The following TRMT1 variants were observed in gnomAD, a reference collection of about 807,000 sequenced individuals.
TRMT1 encodes the protein tRNA (guanine(26)-N(2))-dimethyltransferase.
In TRMT1, 63 loss-of-function variants were observed where a neutral mutation model predicts 75.4. The observed-to-expected ratio is 0.84, with a 90% CI of 0.68 to 1.03. TRMT1 has a LOEUF of 1.03. Among genes scored for constraint, TRMT1 ranks in the 50% least tolerant of loss-of-function variants. The pLI is 0.00. For missense variants in TRMT1, 870 were observed against 905.3 expected, an observed-to-expected ratio of 0.96 and a Z score of 0.50; for synonymous variants, 382 against 358.1, an observed-to-expected ratio of 1.07 and a Z score of -0.75.
Position 13,105,295 on chromosome 19 carries a change from T to C in TRMT1, c.1805A>G (p.Lys602Arg). ...CTTAAACCTCTTGCAAGGAAATGTC[T>C]TGAGCCGGGCAGCCCGCTGGGCCAC... ...EDVAQRAARL[K>R]TFPCKRFKEG... Residue 602 changes from lysine to arginine, a missense_variant, in exon 16 of 17, where the codon AAG becomes AGG. Transcript: ENST00000357720. 6.2e-7 allele frequency: 1 copy of C among 1,613,986 alleles called. No individual in the cohort carries two copies. Among genetic ancestry groups the C allele is most frequent in the Non-Finnish European group, 8.5e-7 (1 of 1,179,986 alleles).
chr19:13,112,156 A>G (rs997531498), intron 7 of TRMT1, among the ~76,000 whole-genome samples: 4 of 151,672 alleles, frequency 2.6e-5, no homozygotes, highest in African/African-American at 9.7e-5. Context: ...TGCCTGGCTA[A>G]TTTTTGTATT....
intron 14 of TRMT1, among the ~76,000 whole-genome samples, chr19:13,106,789 G>T (rs2018890399): frequency 6.7e-6 from 1 of 149,876 alleles, no homozygotes; most frequent in African/African-American, 2.5e-5. Flanking sequence ...GCCCAGCCCA[G>T]TCAGCAGATT....
At chr19:13,109,332 G>C (rs1387503761) in intron 12 of TRMT1, 49 bp downstream of exon 12, 23 of 1,601,410 alleles carry the variant, frequency 1.4e-5, no homozygotes, top group Non-Finnish European at 2.0e-5. Context: ...CTTGCCCCAG[G>C]CCACCCTGTG....
rs1014569241 is a variant in TRMT1, at chr19:13,112,742, C to T, written c.833G>A (p.Gly278Glu). 1.2e-6 allele frequency: 2 copies of T among 1,613,566 alleles called. No individual in the cohort carries two copies. Among genetic ancestry groups the T allele is most frequent in the Non-Finnish European group, 1.7e-6 (2 of 1,180,006 alleles). The part of the protein sequence containing the change: ...NSGETCYSKY[G>E]AMALKSRACH... ...GGCCCGGCTCTTGAGGGCCATGGCC[C>T]CGTACTTGCTGTAGCACGTCTCCCC... Residue 278 changes from glycine (G) to glutamate (E), a missense_variant, in exon 7 of 17, where the codon GGG becomes GAG. Physicochemically the swap from Gly to Glu is moderately conservative, Grantham distance 98. Coordinates refer to ENST00000357720, the MANE Select transcript of TRMT1 (RefSeq NM_001136035.4).
In TRMT1 at chr19:13,110,177, TG is replaced by T. The variant is rs1240719110; in HGVS notation, c.999del (p.Lys334ArgfsTer47). ...GCTGACCTGGCTGAGGCCTTGACCTTGGCCTGGCCGGTGAAGACACGGACAA... is the reference window on the plus strand; with the variant it reads ...GCTGACCTGGCTGAGGCCTTGACCTTGCCTGGCCGGTGAAGACACGGACAA... ...RVFVRVFTGQ[A>X]KVKASASKQA... On this transcript the variant is annotated frameshift_variant, in exon 8 of 17. Coordinates refer to ENST00000357720, the MANE Select transcript of TRMT1 (RefSeq NM_001136035.4). LOFTEE classifies it high-confidence loss of function. 1 of 1,612,336 alleles carries T rather than the reference TG, an allele frequency of 6.2e-7. No homozygotes were observed. Among genetic ancestry groups the T allele is most frequent in the East Asian group, 2.2e-5 (1 of 44,886 alleles).
At chr19:13,113,731 TC>T (rs1010030927) in intron 5 of TRMT1, among the ~76,000 whole-genome samples, 11 of 152,026 alleles carry the variant, frequency 7.2e-5, no homozygotes, top group African/African-American at 2.4e-4. Flanking sequence ...TGCCTCAGCT[TC>T]CCAAGTAGCT....
Position 13,115,378 on chromosome 19 carries a change from A to G in TRMT1, c.542T>C (p.Val181Ala). 1 of 1,614,098 alleles carries G rather than the reference A, an allele frequency of 6.2e-7. No homozygotes were observed. The highest frequency in any genetic ancestry group is 8.5e-7 in the Non-Finnish European group (1 of 1,180,018). The change falls in exon 5 of 17, where the codon GTT becomes GCT. Residue 181 changes from valine to alanine, a missense_variant. Val to Ala is a moderately conservative substitution (Grantham distance 64). Coordinates refer to ENST00000357720, the MANE Select transcript of TRMT1 (RefSeq NM_001136035.4). ...ALEVPGLRSV[V>A]ANDASTRAVD... is the part of the protein sequence containing the mutation. ...AGCCCGGGTGGAGGCATCGTTTGCAACCACAGATCTGAGCCCAGGCACCTC... is the reference window on the plus strand; with the variant it reads ...AGCCCGGGTGGAGGCATCGTTTGCAGCCACAGATCTGAGCCCAGGCACCTC...
At chr19:13,106,592 C>T (rs1331541340) in intron 14 of TRMT1, among the ~76,000 whole-genome samples, 1 of 151,082 alleles carries the variant, frequency 6.6e-6, no homozygotes, top group Non-Finnish European at 1.5e-5. Context: ...TCACCTGCCT[C>T]AGCCTCCCGA....
intron 5 of TRMT1, among the ~76,000 whole-genome samples, chr19:13,114,384 T>G (rs913256475): frequency 6.6e-6 from 1 of 151,860 alleles, no homozygotes; most frequent in Non-Finnish European, 1.5e-5. Flanking sequence ...TAGCCTGGCA[T>G]AGCCAGGTGC....
rs375881785 is a variant in TRMT1 at position 13,110,149 on chromosome 19, C to G, written c.1019+9G>C. ...TCAATCCACCACCGCTCTCTGCCCC[C>G]GGGCTGACCTGGCTGAGGCCTTGAC... On this transcript the variant is annotated intron_variant, in intron 8 of 16. Transcript: ENST00000357720. 467 of 1,611,800 alleles carry G rather than the reference C, an allele frequency of 2.9e-4. No homozygotes were observed. Among genetic ancestry groups the G allele is most frequent in the Non-Finnish European group, 3.7e-4 (441 of 1,179,812 alleles).
rs745615872 is a variant in TRMT1, at chr19:13,104,966, G to A, written c.1949C>T (p.Pro650Leu). 1.2e-6 allele frequency: 2 copies of A among 1,613,714 alleles called. No homozygotes were observed. Among genetic ancestry groups the A allele is most frequent in the East Asian group, 2.2e-5 (1 of 44,900 alleles). Residue 650 changes from proline (P) to leucine (L), a missense_variant, in exon 17 of 17, where the codon CCT becomes CTT. Pro to Leu is a moderately conservative substitution (Grantham distance 98). Coordinates refer to ENST00000357720, the MANE Select transcript of TRMT1 (RefSeq NM_001136035.4). ...TATGCCTGGCCCAGCGGCAGCCCCA[G>A]GTCCAGGGGGGGTCTGGTTGGAGGT... is the stretch of plus-strand genomic sequence containing the variant. ...PETSNQTPPG[P>L]GAAAGPGID
Position 13,115,176 on chromosome 19 carries a change from G to T in TRMT1, c.641+103C>A. ...GACAAGGAAACTGGGGCTCAAAGAG[G>T]CTAAGTCACTCACTCAAGGTCACAG... On this transcript the variant is annotated intron_variant, in intron 5 of 16. Coordinates refer to ENST00000357720, the MANE Select transcript of TRMT1 (RefSeq NM_001136035.4). 6 of 1,297,476 alleles carry T rather than the reference G, an allele frequency of 4.6e-6. No homozygotes were observed. The South Asian group carries it at 6.0e-5, about 13-fold the overall frequency. The allele number at this position is 1,297,476 out of a possible 1,614,324, so 80.4% of individuals were successfully genotyped here.
chr19:13,112,848 T>G, intron 6 of TRMT1, 31 bp from the exon 7 acceptor site: 3 of 1,613,640 alleles, frequency 1.9e-6, no homozygotes, highest in Non-Finnish European at 2.5e-6. Context: ...GTGAGAACCC[T>G]CCAACACCCC....
intron 7 of TRMT1, among the ~76,000 whole-genome samples, chr19:13,110,778 G>A (rs187985140): frequency 8.9e-4 from 135 of 152,154 alleles, no homozygotes; most frequent in African/African-American, 2.7e-3. Context: ...TGAAATCCCC[G>A]TCTCTACTAA....
rs1453298908 is a variant in TRMT1, at chr19:13,116,440, G to A, written c.-32-9C>T. 6.3e-7 allele frequency: 1 copy of A among 1,577,362 alleles called. No individual in the cohort carries two copies. The highest frequency in any genetic ancestry group is 1.3e-5 in the African/African-American group (1 of 74,206). On this transcript the variant is annotated splice_polypyrimidine_tract_variant and intron_variant, in intron 1 of 16. Coordinates refer to ENST00000357720, the MANE Select transcript of TRMT1 (RefSeq NM_001136035.4). ...GCCTCCGCCCGCCAAGCCTGGTTCGGGGGGCGGGGGAGGGCACAGAGAGGG... is the reference window on the plus strand; with the variant it reads ...GCCTCCGCCCGCCAAGCCTGGTTCGAGGGGCGGGGGAGGGCACAGAGAGGG...
chr19:13,113,199 A>T (rs2145593543), intron 5 of TRMT1, among the ~76,000 whole-genome samples, 188 bp from the exon 6 acceptor site: 1 of 152,198 alleles, frequency 6.6e-6, no homozygotes, highest in East Asian at 1.9e-4. Flanking sequence ...TTGCTCTGTC[A>T]GCCAGCTGGA....
intron 12 of TRMT1, among the ~76,000 whole-genome samples, chr19:13,108,240 C>T (rs2018972926): frequency 6.6e-6 from 1 of 151,842 alleles, no homozygotes; most frequent in Non-Finnish European, 1.5e-5. Context: ...CCGCCCGCCT[C>T]AGCCTCCCAA....
chr19:13,106,818 TTTA>T (rs2018893028), intron 14 of TRMT1, among the ~76,000 whole-genome samples: 2 of 75,610 alleles, frequency 2.6e-5, no homozygotes, highest in African/African-American at 4.5e-5. Flanking sequence ...TTTATTTTTA[TTTA>T]TTTATTTATT....
chr19:13,106,013 A>G (rs2018852293), intron 14 of TRMT1, among the ~76,000 whole-genome samples: 1 of 151,812 alleles, frequency 6.6e-6, no homozygotes, highest in Non-Finnish European at 1.5e-5. Flanking sequence ...AGTGAGCTGA[A>G]ATCGCACCAC....
Sources: gnomAD v4.1 joint callset for allele counts (sites outside exome capture counted in the v4.1 genomes callset) on GRCh38, gnomAD v4.1.1 for gene constraint, MANE v1.5 for transcripts, NCBI Gene and HGNC (gene_info 2026-07-23, HGNC 2026-07-21) for gene names.